The following FAM227B variants were observed in gnomAD, a reference collection of about 807,000 sequenced individuals.
FAM227B encodes the protein protein FAM227B.
A neutral mutation model predicts 73.8 loss-of-function variants in FAM227B; 88 were observed. The ratio of observed to expected loss-of-function variants is 1.19; its 90% CI spans 1.00 to 1.42. The LOEUF (loss-of-function observed/expected upper bound fraction) is 1.42. Ranked by LOEUF, FAM227B falls within the 40% of genes most tolerant of loss-of-function variation. The pLI is 0.00. For synonymous variants in FAM227B, 210 were observed against 190.5 expected, an observed-to-expected ratio of 1.10 and a Z score of -0.84; for missense variants, 632 against 590.9, an observed-to-expected ratio of 1.07 and a Z score of -0.72.
At chr15:49,539,709 G>A (rs2070787313) in intron 10 of FAM227B, among the ~76,000 whole-genome samples, 2 of 152,184 alleles carry the variant, frequency 1.3e-5, no homozygotes, top group African/African-American at 2.4e-5. Flanking sequence ...CCAGAGCATG[G>A]GCATGTGCAA....
At chr15:49,603,186 G>T (rs757763553) in intron 3 of FAM227B, among the ~76,000 whole-genome samples, 8 of 151,992 alleles carry the variant, frequency 5.3e-5, no homozygotes, top group Non-Finnish European at 1.2e-4. Flanking sequence ...GAAGAATGTC[G>T]CTGGTATTTT....
chr15:49,537,007 G>A (rs2070370802), intron 10 of FAM227B, among the ~76,000 whole-genome samples: 1 of 152,076 alleles, frequency 6.6e-6, no homozygotes, highest in Non-Finnish European at 1.5e-5. Flanking sequence ...ACTGACATAT[G>A]TGATGAATAT....
chr15:49,435,206 C>T (rs1329278949), intron 11 of FAM227B, among the ~76,000 whole-genome samples: 1 of 151,540 alleles, frequency 6.6e-6, no homozygotes, highest in African/African-American at 2.4e-5. Context: ...GTGTAACTTA[C>T]CTATGTCAGC....
At chr15:49,340,402 C>T (rs1429275414) in intron 13 of FAM227B, among the ~76,000 whole-genome samples, 8 of 91,186 alleles carry the variant, frequency 8.8e-5, no homozygotes, top group Middle Eastern at 5.2e-3. Flanking sequence ...GGCAGTGCCC[C>T]GCCCCCCCCC....
intron 11 of FAM227B, among the ~76,000 whole-genome samples, chr15:49,481,621 T>C (rs2055955063): frequency 6.6e-6 from 1 of 152,200 alleles, no homozygotes; most frequent in Non-Finnish European, 1.5e-5. Context: ...CTGCAAAATA[T>C]ATGGACGTGT....
intron 9 of FAM227B, among the ~76,000 whole-genome samples, chr15:49,543,576 G>C (rs556721110): frequency 6.6e-6 from 1 of 152,068 alleles, no homozygotes; most frequent in Non-Finnish European, 1.5e-5. Context: ...TGAACTCTTT[G>C]CCTAAAGCAA....
chr15:49,450,298 T>C (rs892046032), intron 11 of FAM227B, among the ~76,000 whole-genome samples: 5 of 152,244 alleles, frequency 3.3e-5, no homozygotes, highest in Middle Eastern at 3.4e-3. Context: ...CAATACAAGA[T>C]AACTCTTTCT....
intron 3 of FAM227B, among the ~76,000 whole-genome samples, chr15:49,610,533 T>C (rs1246066814): frequency 6.6e-6 from 1 of 151,944 alleles, no homozygotes; most frequent in African/African-American, 2.4e-5. Context: ...TAGCAAATAC[T>C]ATTTACATTT....
intron 11 of FAM227B, among the ~76,000 whole-genome samples, chr15:49,476,173 T>TTGA (rs1441711630): frequency 4.7e-5 from 7 of 149,850 alleles, no homozygotes; most frequent in Non-Finnish European, 8.9e-5. Context: ...CGTTGACCAC[T>TTGA]TGACCACTTC....
chr15:49,392,164 G>A (rs1229733414), intron 11 of FAM227B, among the ~76,000 whole-genome samples: 2 of 152,108 alleles, frequency 1.3e-5, no homozygotes, highest in Admixed American at 6.5e-5. Context: ...AGATAAAGGG[G>A]CAAATATATT....
At chr15:49,539,343 G>A (rs1372314611) in intron 10 of FAM227B, among the ~76,000 whole-genome samples, 1 of 152,148 alleles carries the variant, frequency 6.6e-6, no homozygotes, top group East Asian at 1.9e-4. Context: ...TGGAATTCAT[G>A]CCCACAGATA....
intron 11 of FAM227B, among the ~76,000 whole-genome samples, chr15:49,416,723 A>G (rs2049236821): frequency 6.6e-6 from 1 of 151,962 alleles, no homozygotes; most frequent in African/African-American, 2.4e-5. Context: ...AGTCAAGCTG[A>G]AAGCCAAATC....
intron 11 of FAM227B, among the ~76,000 whole-genome samples, chr15:49,441,530 T>C (rs966695234): frequency 6.6e-6 from 1 of 151,594 alleles, no homozygotes; most frequent in African/African-American, 2.4e-5. Context: ...CCAGGAAGCA[T>C]TACAGACAAA....
chr15:49,378,710 T>C (rs2046327730), intron 11 of FAM227B, among the ~76,000 whole-genome samples: 1 of 152,166 alleles, frequency 6.6e-6, no homozygotes, highest in African/African-American at 2.4e-5. Context: ...GTGGAGTCTT[T>C]AGGTTTTTCC....
At chr15:49,591,844 A>G (rs2076598814) in intron 3 of FAM227B, among the ~76,000 whole-genome samples, 1 of 152,176 alleles carries the variant, frequency 6.6e-6, no homozygotes, top group African/African-American at 2.4e-5. Context: ...ACATGCACAC[A>G]CACAAAGAAA....
intron 8 of FAM227B, among the ~76,000 whole-genome samples, chr15:49,571,135 T>C (rs2075068697): frequency 6.6e-6 from 1 of 151,710 alleles, no homozygotes; most frequent in South Asian, 2.1e-4. Context: ...CTTTCAGTTT[T>C]TTTGTGGAAA....
At chr15:49,450,594 C>G (rs1597275343) in intron 11 of FAM227B, among the ~76,000 whole-genome samples, 1 of 152,218 alleles carries the variant, frequency 6.6e-6, no homozygotes, top group East Asian at 1.9e-4. Context: ...TGTAGAGCAA[C>G]TAGTTTCCAG....
At chr15:49,419,564 A>G (rs966414203) in intron 11 of FAM227B, among the ~76,000 whole-genome samples, 3 of 152,162 alleles carry the variant, frequency 2.0e-5, no homozygotes, top group African/African-American at 7.2e-5. Flanking sequence ...GAACAGAGGC[A>G]GAGTAAAATT....
chr15:49,401,592 G>T (rs1016039882), intron 11 of FAM227B, among the ~76,000 whole-genome samples: 1 of 136,510 alleles, frequency 7.3e-6, no homozygotes, highest in Non-Finnish European at 1.7e-5. Flanking sequence ...CAAAGACTTG[G>T]AACCAAGCCA....
Sources: allele counts gnomAD v4.1 joint callset (sites outside exome capture counted in the v4.1 genomes callset), GRCh38; gene constraint gnomAD v4.1.1; transcripts MANE v1.5; gene names NCBI Gene and HGNC (gene_info 2026-07-23, HGNC 2026-07-21).